The following ASH2L variants were observed in gnomAD, a reference collection of about 807,000 sequenced individuals.
ASH2L encodes the protein set1/Ash2 histone methyltransferase complex subunit ASH2.
A neutral mutation model predicts 81.1 loss-of-function variants in ASH2L; 30 were observed. The observed-to-expected ratio is 0.37, with a 90% CI of 0.28 to 0.50. The LOEUF (loss-of-function observed/expected upper bound fraction) is 0.50, where lower values mean the gene tolerates loss of function less well. ASH2L is among the 20% of genes least tolerant of loss of function. The probability of loss-of-function intolerance (pLI) is 0.95; values close to 1 mark genes in which losing one functional copy is unlikely to be tolerated. For missense variants in ASH2L, 559 were observed against 792.1 expected, an observed-to-expected ratio of 0.71 and a Z score of 3.53; for synonymous variants, 273 against 279.9, an observed-to-expected ratio of 0.98 and a Z score of 0.24.
At chr8:38,106,595 C>A in intron 2 of ASH2L, 151 bp downstream of exon 2, 1 of 633,174 alleles carries the variant, frequency 1.6e-6, no homozygotes, top group South Asian at 2.0e-5. Context: ...GCAACCTCCT[C>A]CCCCCGGGTT....
intron 14 of ASH2L, among the ~76,000 whole-genome samples, chr8:38,136,997 G>T (rs1335421087): frequency 6.6e-6 from 1 of 151,814 alleles, no homozygotes; most frequent in African/African-American, 2.4e-5. Context: ...GGAGGCTGAC[G>T]CAGGAGAATC....
At chr8:38,110,272 A>G (rs1810629998) in intron 3 of ASH2L, 107 bp from the exon 4 acceptor site, 1 of 832,044 alleles carries the variant, frequency 1.2e-6, no homozygotes, top group Non-Finnish European at 2.0e-6. Context: ...TGATTGCACC[A>G]CTGCACTCCA....
rs1811076115 is a variant in ASH2L at position 38,120,131 on chromosome 8, C to A, written c.947+768C>A. On this transcript the variant is annotated intron_variant, in intron 9 of 15. Coordinates refer to ENST00000343823, the MANE Select transcript of ASH2L (RefSeq NM_004674.5). ...CGAGAACGAAACTGTCTCAAAAAAA[C>A]AAAACAAACCCAAGTTTAAGTGTCA... Among the ~76,000 whole-genome samples the A allele has an allele frequency of 2.6e-5, 4 of 152,232 alleles. No homozygotes were observed. In the South Asian group the frequency reaches 8.3e-4, roughly 32 times the overall value.
intron 14 of ASH2L, 129 bp downstream of exon 14, chr8:38,135,895 C>T: frequency 1.6e-6 from 1 of 631,308 alleles, no homozygotes; most frequent in Non-Finnish European, 2.7e-6. Flanking sequence ...GTGTTGTTAC[C>T]ATTACTGTTT....
rs191217329 is a variant in ASH2L, at chr8:38,125,547, G to A, written c.1166-2744G>A. 8.1e-4 allele frequency among the ~76,000 whole-genome samples: 122 copies of A among 151,528 alleles called. 1 individual carries two copies. The highest frequency in any genetic ancestry group is 6.9e-3 in the Admixed American group (105 of 15,202). On this transcript the variant is annotated intron_variant, in intron 10 of 15. Transcript: ENST00000343823. ...CTCTTCAACCTGGGAGGCGGAGGTT[G>A]CAGTGAGCCGAGATCGCGCCATTGC...
rs564517235 is a variant in ASH2L at position 38,106,381 on chromosome 8, G to C, written c.192G>C (p.Glu64Asp). Residue 64 changes from glutamate to aspartate, a missense_variant, in exon 2 of 16, where the codon GAG becomes GAC. Around this residue, in one of 4 missense-constraint regions of ASH2L, gnomAD observed 145 missense variants for 115.5 expected, o/e 1.26. Coordinates refer to ENST00000343823, the MANE Select transcript of ASH2L (RefSeq NM_004674.5). ...EPSSGEAEGG[E>D]ANLVDVSGGL... ...GAGCGCTTTCATTATCTTATAGGGA[G>C]GCAAACTTGGTCGATGTAAGCGGTG... 1 of 1,613,988 alleles carries C rather than the reference G, an allele frequency of 6.2e-7. No homozygotes were observed. The highest frequency in any genetic ancestry group is 1.1e-5 in the South Asian group (1 of 91,080).
At chr8:38,120,137 A>G (rs1387627323) in intron 9 of ASH2L, among the ~76,000 whole-genome samples, 1 of 152,198 alleles carries the variant, frequency 6.6e-6, no homozygotes. Flanking sequence ...AAAACAAAAC[A>G]AACCCAAGTT....
At chr8:38,108,943 G>A (rs953823353) in intron 3 of ASH2L, among the ~76,000 whole-genome samples, 3 of 152,130 alleles carry the variant, frequency 2.0e-5, no homozygotes, top group South Asian at 2.1e-4. Context: ...TTAGCTGGGC[G>A]TGGTGGTTCA....
chr8:38,135,533 A>G (rs1802216895), intron 13 of ASH2L, 135 bp from the exon 14 acceptor site: 5 of 571,862 alleles, frequency 8.7e-6, no homozygotes, highest in Non-Finnish European at 1.5e-5. Flanking sequence ...TGTTGTTATT[A>G]CACAAGTTAT....
rs1563255251 is a variant in ASH2L, at chr8:38,120,987, C to A, written c.1003C>A (p.Pro335Thr). 6.2e-7 allele frequency: 1 copy of A among 1,613,556 alleles called. No homozygotes were observed. ...CCCTCATGGCTACCCATTGGAACAC[C>A]CGTTTAACAAAGATGGCTATCGGTA... ...LPPHGYPLEH[P>T]FNKDGYRYIL... The change falls in exon 10 of 16, where the codon CCG becomes ACG. Residue 335 changes from proline to threonine, a missense_variant. Around this residue, in one of 4 missense-constraint regions of ASH2L, gnomAD observed 318 missense variants for 527.0 expected, o/e 0.60. Coordinates refer to ENST00000343823, the MANE Select transcript of ASH2L (RefSeq NM_004674.5).
chr8:38,121,982 C>T (rs1801649634), intron 10 of ASH2L, among the ~76,000 whole-genome samples: 1 of 152,178 alleles, frequency 6.6e-6, no homozygotes, highest in Admixed American at 6.5e-5. Flanking sequence ...CTTATGTTCA[C>T]TAATTTTAGC....
chr8:38,105,558 C>A lies in ASH2L; in HGVS notation c.8C>A (p.Ala3Glu), dbSNP rs371388940. 4.5e-6 allele frequency: 7 copies of A among 1,567,478 alleles called. No homozygotes were observed. Among genetic ancestry groups the A allele is most frequent in the Admixed American group, 1.9e-5 (1 of 53,772 alleles). The stretch of plus-strand genomic sequence containing the variant: ...AGTCCAGGGGTGGCCGTGATGGCGG[C>A]GGCAGGAGCAGGACCTGGCCAGGAA... MAAAGAGPGQEAG... is the reference protein window; with the variant it reads MAEAGAGPGQEAG... Residue 3 changes from alanine to glutamate, a missense_variant, in exon 1 of 16, where the codon GCG becomes GAG. Coordinates refer to ENST00000343823, the MANE Select transcript of ASH2L (RefSeq NM_004674.5).
At chr8:38,129,368 C>T (rs7003318) in intron 12 of ASH2L, among the ~76,000 whole-genome samples, 27 of 152,286 alleles carry the variant, frequency 1.8e-4, no homozygotes, top group Admixed American at 6.5e-4. Context: ...TGATGGTTCA[C>T]GCCTATAATC....
intron 1 of ASH2L, 39 bp from the exon 2 acceptor site, chr8:38,106,339 C>A: frequency 6.3e-7 from 1 of 1,596,694 alleles, no homozygotes. Context: ...TGAGGTTTGT[C>A]TTGAGAATTC....
chr8:38,106,494 T>TTTCTTC, intron 2 of ASH2L, 50 bp downstream of exon 2: 1 of 1,456,310 alleles, frequency 6.9e-7, no homozygotes, highest in East Asian at 2.3e-5. Context: ...GTTTTAGTTA[T>TTTCTTC]TTCTTCTTCT....
At chr8:38,106,747 T>C (rs983261900) in intron 2 of ASH2L, among the ~76,000 whole-genome samples, 3 of 151,778 alleles carry the variant, frequency 2.0e-5, no homozygotes, top group Non-Finnish European at 4.4e-5. Flanking sequence ...CTAACCTCAG[T>C]TGATTCTCCC....
chr8:38,119,103 C>T (rs1327239842), intron 8 of ASH2L, 167 bp from the exon 9 acceptor site: 1 of 605,434 alleles, frequency 1.7e-6, no homozygotes, highest in African/African-American at 1.9e-5. Context: ...ATGAGATGCT[C>T]AGTAGATTCT....
chr8:38,116,596 T>C (rs563183251), intron 7 of ASH2L, 54 bp from the exon 8 acceptor site: 1 of 1,354,284 alleles, frequency 7.4e-7, no homozygotes, highest in East Asian at 2.3e-5. Flanking sequence ...TTTATGAGCA[T>C]CCAGATTGAC....
chr8:38,128,291 C>T lies in ASH2L; in HGVS notation c.1166C>T (p.Ala389Val), dbSNP rs745334280. 3.7e-6 allele frequency: 6 copies of T among 1,614,050 alleles called. No homozygotes were observed. Among genetic ancestry groups the T allele is most frequent in the Non-Finnish European group, 5.1e-6 (6 of 1,180,030 alleles). ...CTTCTTTTAATCTCTGTCACCGCAGCTCCCCAGTTAAAGATCTCAGATGAC... is the reference window on the plus strand; with the variant it reads ...CTTCTTTTAATCTCTGTCACCGCAGTTCCCCAGTTAAAGATCTCAGATGAC... The part of the protein sequence containing the change: ...ERVLLALHDR[A>V]PQLKISDDRL... Residue 389 changes from alanine to valine, a missense_variant and splice_region_variant, in exon 11 of 16, where the codon GCT (alanine) becomes GTT (valine). Transcript: ENST00000343823.
Sources: gnomAD v4.1 joint callset for allele counts (sites outside exome capture counted in the v4.1 genomes callset) on GRCh38, gnomAD v4.1.1 for gene constraint, gnomAD v4.1.1 regional missense constraint, MANE v1.5 for transcripts, NCBI Gene and HGNC (gene_info 2026-07-23, HGNC 2026-07-21) for gene names.